HDAC8: variants seen among roughly 807,000 people sequenced by gnomAD.
HDAC8 encodes histone deacetylase-like 1.
A neutral mutation model predicts 32.2 loss-of-function variants in HDAC8; 1 was observed. That is an observed-to-expected ratio of 0.03 (90% CI 0.01 to 0.15). The LOEUF is 0.15. HDAC8 is among the 10% of genes least tolerant of loss of function. HDAC8 has a pLI of 1.00. For missense variants in HDAC8, 117 were observed against 300.0 expected (o/e 0.39, Z 4.51); for synonymous variants, 108 against 113.9 (o/e 0.95, Z 0.33).
intron 7 of HDAC8, chrX:72,474,618 C>T (rs1555999529): frequency 8.5e-7 from 1 of 1,183,288 alleles, no homozygotes. Context: ...TGATGAGAAA[C>T]CTGATCCTTC....
chrX:72,421,773 G>A (rs965693081), intron 9 of HDAC8, among the ~76,000 whole-genome samples: 3 of 111,418 alleles, frequency 2.7e-5, no homozygotes, highest in Non-Finnish European at 5.7e-5. Flanking sequence ...ATATAGCTTC[G>A]ATTTACAGTC....
intron 5 of HDAC8, among the ~76,000 whole-genome samples, chrX:72,491,229 T>C (rs2048860659): frequency 9.0e-6 from 1 of 111,703 alleles, no homozygotes; most frequent in Admixed American, 9.5e-5. Flanking sequence ...GGGGTTCCTT[T>C]TCAAACTCAT....
intron 9 of HDAC8, among the ~76,000 whole-genome samples, chrX:72,377,586 G>A (rs782639223): frequency 9.0e-6 from 1 of 111,338 alleles, no homozygotes; most frequent in East Asian, 2.8e-4. Flanking sequence ...CTGTTGTTAG[G>A]TGACATATAT....
rs782490451 is a variant in HDAC8, at chrX:72,495,292, G to A, written c.438-24C>T. The A allele has an allele frequency of 2.8e-6, 3 of 1,065,944 alleles. No individual in the cohort carries two copies. In the South Asian group the frequency reaches 5.8e-5, roughly 21 times the overall value. The allele number at this position is 1,065,944 out of a possible 1,213,427, so 87.8% of individuals were successfully genotyped here. ...CTCTGTAAGAAAACAAGTTGCTACA[G>A]CCAACAGCCAAAAAGCAATCCAAGG... On this transcript the variant is annotated intron_variant, in intron 4 of 10. Transcript: ENST00000373573.
intron 7 of HDAC8, among the ~76,000 whole-genome samples, chrX:72,469,866 A>G (rs1262658090): frequency 9.0e-6 from 1 of 110,793 alleles, no homozygotes; most frequent in Non-Finnish European, 1.9e-5. Context: ...AAAATTAAAC[A>G]TGGCCGGTCA....
intron 9 of HDAC8, among the ~76,000 whole-genome samples, chrX:72,458,779 C>T (rs371532885): frequency 1.8e-5 from 2 of 111,752 alleles, no homozygotes; most frequent in East Asian, 5.6e-4. Flanking sequence ...AACAGGTCTG[C>T]GTTTCTCAAG....
At chrX:72,409,234 A>C (rs782553880) in intron 9 of HDAC8, among the ~76,000 whole-genome samples, 13 of 112,000 alleles carry the variant, frequency 1.2e-4, no homozygotes, top group Non-Finnish European at 1.3e-4. Context: ...TAGACTCCTA[A>C]CACTGACAGT....
intron 9 of HDAC8, among the ~76,000 whole-genome samples, chrX:72,404,637 C>T (rs1192817942): frequency 9.1e-6 from 1 of 109,990 alleles, no homozygotes; most frequent in Non-Finnish European, 1.9e-5. Flanking sequence ...GCCTTTATTC[C>T]CCAAAGAATA....
At chrX:72,412,985 C>A (rs907738016) in intron 9 of HDAC8, among the ~76,000 whole-genome samples, 1 of 111,188 alleles carries the variant, frequency 9.0e-6, no homozygotes, top group African/African-American at 3.3e-5. Flanking sequence ...CAGAACTATT[C>A]TTAGTATGGA....
intron 4 of HDAC8, among the ~76,000 whole-genome samples, chrX:72,525,863 C>T (rs1295961597): frequency 3.2e-5 from 3 of 92,711 alleles, no homozygotes; most frequent in African/African-American, 1.2e-4. Context: ...CCTCATGGAG[C>T]TTATGTTCTA....
At chrX:72,475,494 C>T (rs1336025168) in intron 7 of HDAC8, among the ~76,000 whole-genome samples, 3 of 111,646 alleles carry the variant, frequency 2.7e-5, no homozygotes, top group African/African-American at 9.8e-5. Flanking sequence ...AGCTCAGGTA[C>T]TGCTGACTCA....
At chrX:72,474,712 G>A (rs1555999622) in intron 7 of HDAC8, 2 of 1,193,437 alleles carry the variant, frequency 1.7e-6, no homozygotes, top group East Asian at 6.0e-5. Context: ...GCCTGGATTT[G>A]GGGCAGGAGG....
intron 9 of HDAC8, among the ~76,000 whole-genome samples, chrX:72,458,390 TA>T (rs2047779339): frequency 8.9e-6 from 1 of 112,533 alleles, no homozygotes; most frequent in Non-Finnish European, 1.9e-5. Context: ...TTATCACTTC[TA>T]ATATTTGTGC....
intron 4 of HDAC8, among the ~76,000 whole-genome samples, chrX:72,498,696 A>G (rs2049111012): frequency 8.9e-6 from 1 of 111,894 alleles, no homozygotes; most frequent in South Asian, 3.7e-4. Flanking sequence ...TGGTATATTG[A>G]TGATATATTA....
intron 9 of HDAC8, among the ~76,000 whole-genome samples, chrX:72,419,551 C>T (rs781945225): frequency 9.0e-6 from 1 of 111,540 alleles, no homozygotes; most frequent in Admixed American, 9.5e-5. Context: ...AACGAAAAGA[C>T]AACCTACAGG....
At chrX:72,568,098 G>A in intron 3 of HDAC8, 68 bp from the exon 4 acceptor site, 1 of 1,022,580 alleles carries the variant, frequency 9.8e-7, no homozygotes, top group Admixed American at 2.3e-5. Context: ...AGGTTGAGGT[G>A]TGACAACAAC....
chrX:72,555,563 C>A (rs1937811219), intron 4 of HDAC8, among the ~76,000 whole-genome samples: 1 of 111,992 alleles, frequency 8.9e-6, no homozygotes, highest in Non-Finnish European at 1.9e-5. Flanking sequence ...AAAAAACAAT[C>A]ACAACTTCTG....
chrX:72,421,429 C>T (rs1184548454), intron 9 of HDAC8, among the ~76,000 whole-genome samples: 2 of 111,155 alleles, frequency 1.8e-5, no homozygotes, highest in Non-Finnish European at 3.8e-5. Context: ...CATGTGTCCA[C>T]GTGTTGGGGA....
chrX:72,434,703 G>A (rs1828929660), intron 9 of HDAC8, among the ~76,000 whole-genome samples: 1 of 111,643 alleles, frequency 9.0e-6, no homozygotes, highest in Admixed American at 9.5e-5. Context: ...GTCCCTGGCT[G>A]TGATATTTTT....
Sources: gnomAD v4.1 joint callset for allele counts (sites outside exome capture counted in the v4.1 genomes callset) on GRCh38, gnomAD v4.1.1 for gene constraint, MANE v1.5 for transcripts, NCBI Gene and HGNC (gene_info 2026-07-23, HGNC 2026-07-21) for gene names.